Variants in RASGEF1C observed in about 807,000 individuals in gnomAD.
The protein encoded by RASGEF1C is ras-GEF domain-containing family member 1C.
In RASGEF1C, 27 loss-of-function variants were observed where a neutral mutation model predicts 58.1. The observed-to-expected ratio is 0.46, with a 90% confidence interval of 0.34 to 0.64. RASGEF1C has a LOEUF of 0.64. Among genes scored for constraint, RASGEF1C ranks in the 30% least tolerant of loss-of-function variants. The probability of loss-of-function intolerance (pLI) is 0.01; values close to 1 mark genes in which losing one functional copy is unlikely to be tolerated. For missense variants in RASGEF1C, 502 were observed against 605.1 expected (o/e 0.83, Z 1.79); for synonymous variants, 243 against 246.3 (o/e 0.99, Z 0.13).
In RASGEF1C at chr5:180,155,708, C is replaced by T. The variant is rs1766838064; in HGVS notation, c.-6-17650G>A. 6.6e-6 allele frequency among the ~76,000 whole-genome samples: 1 copy of T among 152,058 alleles called. No individual in the cohort carries two copies. The highest frequency in any genetic ancestry group is 1.5e-5 in the Non-Finnish European group (1 of 68,014). On this transcript the variant is annotated intron_variant, in intron 1 of 13. Transcript: ENST00000361132. This position sits in a 1 kb window ranked among gnomAD's most constrained non-coding sequence, Gnocchi z 5.2. ...CTCCCGCTCCGTCTTCCATCCTGTCCCTTACTCTTGGCCCACGTTCTCAAT... is the reference window on the plus strand; with the variant it reads ...CTCCCGCTCCGTCTTCCATCCTGTCTCTTACTCTTGGCCCACGTTCTCAAT...
In RASGEF1C at chr5:180,102,107, T is replaced by C; in HGVS notation, c.1340A>G (p.Glu447Gly). 1 of 1,605,166 alleles carries C rather than the reference T, an allele frequency of 6.2e-7. No homozygotes were observed. Among genetic ancestry groups the C allele is most frequent in the Non-Finnish European group, 8.5e-7 (1 of 1,171,814 alleles). Reference protein sequence around the residue: ...YLASYESESPENQTEKERWKA... With the variant: ...YLASYESESPGNQTEKERWKA... ...CCATCTTTCTTTTTCTGTTTGGTTC[T>C]CTGGGCTCTCACTTTCGTAAGAAGC... The change falls in exon 13 of 14, where the codon GAG becomes GGG. Residue 447 changes from glutamate to glycine, a missense_variant. Coordinates refer to ENST00000361132, the MANE Select transcript of RASGEF1C (RefSeq NM_175062.4).
In RASGEF1C at chr5:180,101,407, G is replaced by T; in HGVS notation, c.*94C>A. On this transcript the variant is annotated 3_prime_UTR_variant, in exon 14 of 14. Coordinates refer to ENST00000361132, the MANE Select transcript of RASGEF1C (RefSeq NM_175062.4). ...GGGTCGGCATTTGCAAAATAGTGAG[G>T]CACTCCCTGGCCTCTGCCCACTGGG... 1 of 1,476,008 alleles carries T rather than the reference G, an allele frequency of 6.8e-7. No homozygotes were observed. The highest frequency in any genetic ancestry group is 9.3e-7 in the Non-Finnish European group (1 of 1,075,416). The allele number at this position is 1,476,008 out of a possible 1,614,324, so 91.4% of individuals were successfully genotyped here.
chr5:180,113,572 G>C (rs1194169974), intron 11 of RASGEF1C, among the ~76,000 whole-genome samples: 4 of 89,650 alleles, frequency 4.5e-5, no homozygotes, highest in East Asian at 8.6e-4. Flanking sequence ...CGGAGGGACC[G>C]GGGATGGACG....
At chr5:180,152,620 G>T (rs1002627581) in intron 1 of RASGEF1C, among the ~76,000 whole-genome samples, 1 of 148,800 alleles carries the variant, frequency 6.7e-6, no homozygotes, top group Non-Finnish European at 1.5e-5. Flanking sequence ...GTTAAATGAC[G>T]AGTTAATGGG....
chr5:180,141,390 G>A (rs1051734587), intron 1 of RASGEF1C, among the ~76,000 whole-genome samples: 3 of 152,254 alleles, frequency 2.0e-5, no homozygotes, highest in Non-Finnish European at 4.4e-5. Flanking sequence ...CCTCAGAGAG[G>A]AAGGAGGTTC....
chr5:180,115,636 C>G (rs1374942967), intron 10 of RASGEF1C, among the ~76,000 whole-genome samples: 1 of 152,206 alleles, frequency 6.6e-6, no homozygotes, highest in African/African-American at 2.4e-5. Flanking sequence ...CTTTATCAAG[C>G]CTGCGTGCCT....
intron 1 of RASGEF1C, among the ~76,000 whole-genome samples, chr5:180,207,649 C>T (rs1756512717): frequency 1.2e-5 from 1 of 80,712 alleles, no homozygotes; most frequent in Non-Finnish European, 2.8e-5. Context: ...CCCTCTCCTG[C>T]CCCGGCAGTG....
rs1281811891 is a variant in RASGEF1C at position 180,179,605 on chromosome 5, AG to A, written c.-7+29422del. Among the ~76,000 whole-genome samples, 3 of 152,230 alleles carry A rather than the reference AG, an allele frequency of 2.0e-5. No individual in the cohort carries two copies. In the East Asian group the frequency reaches 5.8e-4, roughly 29 times the overall value. On this transcript the variant is annotated intron_variant, in intron 1 of 13. Transcript: ENST00000361132. ...GATCAATACAGCAGCTGCCAGGGTG[AG>A]GAGGCTCCCACGCTGCCGAGAGGCT... is the stretch of plus-strand genomic sequence containing the variant.
intron 1 of RASGEF1C, among the ~76,000 whole-genome samples, chr5:180,207,885 C>T (rs990345880): frequency 2.0e-5 from 3 of 152,228 alleles, no homozygotes; most frequent in African/African-American, 7.2e-5. Flanking sequence ...GCCCTGGTCT[C>T]CCTCTGCCCC....
intron 1 of RASGEF1C, among the ~76,000 whole-genome samples, chr5:180,154,828 G>A (rs1379831381): frequency 1.3e-5 from 2 of 152,088 alleles, no homozygotes; most frequent in African/African-American, 4.8e-5. Flanking sequence ...TGATCCACCC[G>A]CCTCAGCCTC....
chr5:180,134,944 C>G (rs546471372), intron 4 of RASGEF1C, among the ~76,000 whole-genome samples: 2 of 148,598 alleles, frequency 1.3e-5, no homozygotes, highest in Non-Finnish European at 3.0e-5. Flanking sequence ...CCTGCCTATC[C>G]AATTACCCAG....
chr5:180,193,607 A>G (rs547509717), intron 1 of RASGEF1C, among the ~76,000 whole-genome samples: 14 of 152,326 alleles, frequency 9.2e-5, no homozygotes, highest in Admixed American at 6.5e-4. Context: ...CAAAAAACAA[A>G]TAAAAACCAA....
intron 12 of RASGEF1C, among the ~76,000 whole-genome samples, chr5:180,104,242 TTAAC>T (rs1193092447): frequency 6.6e-6 from 1 of 152,152 alleles, no homozygotes; most frequent in Non-Finnish European, 1.5e-5. Context: ...TGCAACAGTG[TTAAC>T]TAACAGGTGG....
chr5:180,154,216 T>TG (rs936176989), intron 1 of RASGEF1C, among the ~76,000 whole-genome samples: 1 of 152,114 alleles, frequency 6.6e-6, no homozygotes, highest in Non-Finnish European at 1.5e-5. Flanking sequence ...CGGGCACTGT[T>TG]GCAAGGGTCA....
At chr5:180,127,179 C>T (rs368938588) in intron 6 of RASGEF1C, among the ~76,000 whole-genome samples, 1 of 152,242 alleles carries the variant, frequency 6.6e-6, no homozygotes, top group Non-Finnish European at 1.5e-5. Flanking sequence ...TTACCCATCC[C>T]GGGCAGCGGG....
intron 6 of RASGEF1C, among the ~76,000 whole-genome samples, chr5:180,122,087 T>C (rs1031521195): frequency 1.4e-5 from 2 of 138,470 alleles, no homozygotes; most frequent in African/African-American, 4.9e-5. Context: ...TAGTAATCAA[T>C]AATTTATATT....
chr5:180,109,334 T>G (rs559509436), intron 12 of RASGEF1C, among the ~76,000 whole-genome samples: 70 of 152,244 alleles, frequency 4.6e-4, no homozygotes, highest in African/African-American at 1.5e-3. Flanking sequence ...GGTGGGTGCC[T>G]GTAGTCCCAG....
intron 1 of RASGEF1C, among the ~76,000 whole-genome samples, chr5:180,183,337 C>T (rs912257169): frequency 2.6e-5 from 4 of 152,050 alleles, no homozygotes; most frequent in East Asian, 1.9e-4. Flanking sequence ...TTACCAAGAT[C>T]GGTTTAATGT....
In RASGEF1C at chr5:180,209,137, G is replaced by GA. The variant is rs1756555990; in HGVS notation, c.-117_-116insT. The GA allele has an allele frequency of 1.5e-5, 1 of 65,152 alleles. No individual in the cohort carries two copies. The allele number at this position is 65,152 out of a possible 1,614,324, so 4.0% of individuals were successfully genotyped here. ...CGCCGCCGCCGCCGCCGCCGCCGCC[G>GA]CCGCCGCCGCCGCCCGACCGCCCGG... On this transcript the variant is annotated 5_prime_UTR_variant, in exon 1 of 14. Transcript: ENST00000361132.
Sources: gnomAD v4.1 joint callset for allele counts (sites outside exome capture counted in the v4.1 genomes callset) on GRCh38, gnomAD v4.1.1 for gene constraint, Gnocchi (gnomAD v3.1) non-coding constraint, MANE v1.5 for transcripts, NCBI Gene and HGNC (gene_info 2026-07-23, HGNC 2026-07-21) for gene names.